Variants in DENND5B observed in about 807,000 individuals in gnomAD.
The protein encoded by DENND5B is DENN domain containing 5B.
DENND5B carries 34 observed loss-of-function variants against 140.6 expected under a neutral mutation model. That is an observed-to-expected ratio of 0.24 (90% CI 0.18 to 0.32). The LOEUF (loss-of-function observed/expected upper bound fraction) is 0.32. Ranked by LOEUF, DENND5B falls within the 10% of genes least tolerant of loss-of-function variation. The probability of loss-of-function intolerance (pLI) is 1.00; values close to 1 mark genes in which losing one functional copy is unlikely to be tolerated. For synonymous variants in DENND5B, 551 were observed against 562.1 expected, an observed-to-expected ratio of 0.98 and a Z score of 0.28; for missense variants, 1,142 against 1,560.2, an observed-to-expected ratio of 0.73 and a Z score of 4.52.
intron 7 of DENND5B, among the ~76,000 whole-genome samples, chr12:31,440,488 T>C (rs1475820067): frequency 1.3e-5 from 2 of 152,236 alleles, no homozygotes; most frequent in African/African-American, 4.8e-5. Context: ...GCATATTAAA[T>C]GCTCTTGAAC....
chr12:31,503,391 C>T (rs1947084076), intron 1 of DENND5B, among the ~76,000 whole-genome samples: 1 of 152,016 alleles, frequency 6.6e-6, no homozygotes, highest in African/African-American at 2.4e-5. Context: ...AAAACCCTGT[C>T]TCTACAAAAA....
At chr12:31,575,369 T>C (rs1949975326) in intron 1 of DENND5B, among the ~76,000 whole-genome samples, 1 of 152,186 alleles carries the variant, frequency 6.6e-6, no homozygotes, top group Non-Finnish European at 1.5e-5. Context: ...CTGATTCTTG[T>C]AACAAAGGAG....
intron 20 of DENND5B, 149 bp downstream of exon 20, chr12:31,389,175 C>T (rs907599463): frequency 1.3e-5 from 9 of 687,690 alleles, no homozygotes; most frequent in African/African-American, 1.8e-5. Flanking sequence ...CCAGCCTAGG[C>T]GATGGAGTGA....
chr12:31,409,738 C>G (rs1942345546), intron 13 of DENND5B, among the ~76,000 whole-genome samples: 1 of 152,050 alleles, frequency 6.6e-6, no homozygotes, highest in Non-Finnish European at 1.5e-5. Context: ...CTCGGCCTCC[C>G]AAAGTGCTGG....
chr12:31,499,083 G>T (rs1479891530), intron 1 of DENND5B, among the ~76,000 whole-genome samples: 1 of 151,868 alleles, frequency 6.6e-6, no homozygotes, highest in Admixed American at 6.6e-5. Flanking sequence ...GAGAGATGGG[G>T]GAACAACCTA....
At chr12:31,495,208 C>G (rs74622066) in intron 2 of DENND5B, among the ~76,000 whole-genome samples, 1,724 of 152,226 alleles carry the variant, frequency 0.011, 19 homozygotes, top group East Asian at 0.031. Context: ...CACTGTTTAT[C>G]AAAGCTTCTA....
rs1941591550 is a variant in DENND5B, at chr12:31,398,246, G to A, written c.3185C>T (p.Thr1062Ile). 6.3e-7 allele frequency: 1 copy of A among 1,599,632 alleles called. No individual in the cohort carries two copies. Among genetic ancestry groups the A allele is most frequent in the Non-Finnish European group, 8.5e-7 (1 of 1,173,090 alleles). Reference protein sequence around the residue: ...SDEDLVKQCRTPPQQKSPTTA... With the variant: ...SDEDLVKQCRIPPQQKSPTTA... ...GGTGGGTGACTTCTGCTGGGGTGGA[G>A]TCCGACACTGCTTTACTAGATCTTC... Residue 1062 changes from threonine (T) to isoleucine (I), a missense_variant, in exon 17 of 21, where the codon ACT becomes ATT. By Grantham distance (89) the Thr-to-Ile change is moderately conservative (BLOSUM62 -1). Transcript: ENST00000389082.
Position 31,495,887 on chromosome 12 carries a change from T to C in DENND5B, c.160A>G (p.Thr54Ala). The C allele has an allele frequency of 6.2e-7, 1 of 1,612,752 alleles. No homozygotes were observed. Among genetic ancestry groups the C allele is most frequent in the Non-Finnish European group, 8.5e-7 (1 of 1,179,436 alleles). The change falls in exon 2 of 21, where the codon ACA becomes GCA. Residue 54 changes from threonine to alanine, a missense_variant. Around this residue, in one of 5 missense-constraint regions of DENND5B, gnomAD observed 708 missense variants for 905.5 expected, o/e 0.78. Coordinates refer to ENST00000389082, the MANE Select transcript of DENND5B (RefSeq NM_144973.4). ...ENFDQSPLRR[T>A]FKSKVLAHYP... The stretch of plus-strand genomic sequence containing the variant: ...TGGGCGAGAACTTTGGATTTGAATG[T>C]TCTTCTCAAAGGACTCTGGTCAAAA...
chr12:31,550,053 CT>C (rs556696698), intron 1 of DENND5B, among the ~76,000 whole-genome samples: 5 of 147,234 alleles, frequency 3.4e-5, no homozygotes, highest in African/African-American at 7.5e-5. Flanking sequence ...TTCTTTTTTT[CT>C]TTTTTTTTTA....
At chr12:31,547,227 A>C (rs1004362300) in intron 1 of DENND5B, among the ~76,000 whole-genome samples, 3 of 152,218 alleles carry the variant, frequency 2.0e-5, no homozygotes, top group Non-Finnish European at 2.9e-5. Context: ...GAAAAAGGGA[A>C]AAGTATAATG....
chr12:31,441,949 C>T (rs1433920761), intron 7 of DENND5B, among the ~76,000 whole-genome samples: 2 of 152,186 alleles, frequency 1.3e-5, no homozygotes, highest in East Asian at 3.9e-4. Context: ...TCCCAAAGTG[C>T]TGAGGTTACA....
chr12:31,564,100 A>G (rs905033662), intron 1 of DENND5B, among the ~76,000 whole-genome samples: 6 of 152,256 alleles, frequency 3.9e-5, no homozygotes, highest in Non-Finnish European at 7.3e-5. Flanking sequence ...CCTGGGCAAC[A>G]GAGCAAGTCT....
chr12:31,456,776 G>C (rs1034754244), intron 4 of DENND5B, among the ~76,000 whole-genome samples: 7 of 152,218 alleles, frequency 4.6e-5, no homozygotes, highest in Non-Finnish European at 2.9e-5. Flanking sequence ...AAGCCAGAGA[G>C]AGGAGAGCAT....
In DENND5B at chr12:31,557,601, C is replaced by G. The variant is rs116318674; in HGVS notation, c.127+33105G>C. Among the ~76,000 whole-genome samples the G allele has an allele frequency of 2.0e-5, 3 of 151,832 alleles. No homozygotes were observed. The East Asian group carries it at 5.8e-4, about 29-fold the overall frequency. On this transcript the variant is annotated intron_variant, in intron 1 of 20. Transcript: ENST00000389082. ...TTCACCATGTCACCCAGGCTGATCT[C>G]GAACTTTGTTTTTAAAGGCAAAAAG...
intron 6 of DENND5B, among the ~76,000 whole-genome samples, chr12:31,444,588 T>C (rs1004024650): frequency 2.4e-4 from 37 of 152,260 alleles, no homozygotes; most frequent in African/African-American, 8.9e-4. Flanking sequence ...GTGATGACAG[T>C]GGGAGTACCA....
intron 1 of DENND5B, among the ~76,000 whole-genome samples, chr12:31,582,525 G>T (rs897719619): frequency 3.3e-5 from 5 of 152,134 alleles, no homozygotes; most frequent in Non-Finnish European, 5.9e-5. Flanking sequence ...GTTAAAAGTG[G>T]TATATTTCAT....
At chr12:31,434,046 T>A (rs1004664576) in intron 7 of DENND5B, among the ~76,000 whole-genome samples, 3 of 152,196 alleles carry the variant, frequency 2.0e-5, no homozygotes, top group Non-Finnish European at 2.9e-5. Context: ...CTGTAAAGTC[T>A]AAGGGTTGTA....
chr12:31,481,394 C>T (rs1036235435), intron 2 of DENND5B, among the ~76,000 whole-genome samples: 8 of 151,802 alleles, frequency 5.3e-5, no homozygotes, highest in African/African-American at 9.7e-5. Flanking sequence ...TATTTCCAGT[C>T]GAGTAAGGTT....
chr12:31,567,703 T>C (rs1949679185), intron 1 of DENND5B, among the ~76,000 whole-genome samples: 1 of 151,672 alleles, frequency 6.6e-6, no homozygotes, highest in Admixed American at 6.6e-5. Context: ...CCCAGCTACT[T>C]GGGAGGCTGA....
Sources: allele counts gnomAD v4.1 joint callset (sites outside exome capture counted in the v4.1 genomes callset), GRCh38; gene constraint gnomAD v4.1.1; regional missense constraint gnomAD v4.1.1; transcripts MANE v1.5; gene names NCBI Gene and HGNC (gene_info 2026-07-23, HGNC 2026-07-21).